Variants in ZNF469 observed in about 807,000 individuals in gnomAD.
ZNF469 encodes the protein zinc finger protein 469.
In ZNF469, 1 loss-of-function variant was observed where a neutral mutation model predicts 1.0. That is an observed-to-expected ratio of 1.00 (90% CI 0.35 to 4.73). The LOEUF (loss-of-function observed/expected upper bound fraction) is 4.73. Among genes scored for constraint, ZNF469 ranks in the 30% most tolerant of loss-of-function variants. The pLI is 0.16. For synonymous variants in ZNF469, 2,703 were observed against 2,363.4 expected (o/e 1.14, Z -4.17); for missense variants, 6,100 against 5,356.3 (o/e 1.14, Z -4.33).
At chr16:88,125,285 C>A in the ZNF469 span, among the ~76,000 whole-genome samples, 4 of 152,162 alleles carry the variant, frequency 2.6e-5, no homozygotes, top group African/African-American at 4.8e-5. Flanking sequence ...GATAGTATGT[C>A]TTCTAAATTT....
chr16:88,181,758 A>C, the ZNF469 span, among the ~76,000 whole-genome samples: 1 of 152,228 alleles, frequency 6.6e-6, no homozygotes, highest in African/African-American at 2.4e-5. Flanking sequence ...TAGAAAAGGA[A>C]GAGCACAATA....
chr16:88,355,051 C>T, the ZNF469 span, among the ~76,000 whole-genome samples: 5 of 148,730 alleles, frequency 3.4e-5, no homozygotes, highest in Admixed American at 6.7e-5. Flanking sequence ...CGTGGGCTCG[C>T]GGCCCTGTCT....
rs1208889208 is a variant in ZNF469 at position 88,433,171 on chromosome 16, C to A, written c.5701C>A (p.Pro1901Thr). The A allele has an allele frequency of 1.9e-6, 3 of 1,550,206 alleles. No homozygotes were observed. The highest frequency in any genetic ancestry group is 3.9e-5 in the Admixed American group (2 of 50,992). Reference protein sequence around the residue: ...RRSQDPALSPPIRQLQLPGPG... With the variant: ...RRSQDPALSPTIRQLQLPGPG... ...GTCCCAGGACCCAGCTTTGAGCCCC[C>A]CCATACGTCAGCTCCAGCTCCCAGG... Residue 1901 changes from proline to threonine, a missense_variant, in exon 3 of 3, where the codon CCC becomes ACC. By Grantham distance (38) the Pro-to-Thr change is conservative. Coordinates refer to ENST00000565624, the MANE Select transcript of ZNF469 (RefSeq NM_001367624.2).
the ZNF469 span, among the ~76,000 whole-genome samples, chr16:88,193,120 G>GTGA: frequency 1.0e-4 from 1 of 9,904 alleles, no homozygotes; most frequent in Non-Finnish European, 2.2e-4. Context: ...GGTGGTGATG[G>GTGA]TGGTGGTGGT....
chr16:88,161,326 G>A, the ZNF469 span, among the ~76,000 whole-genome samples: 51 of 152,126 alleles, frequency 3.4e-4, no homozygotes, highest in African/African-American at 1.1e-3. Context: ...CTCCCTAAAC[G>A]GCGACGATCT....
the ZNF469 span, among the ~76,000 whole-genome samples, chr16:88,301,470 C>T: frequency 6.6e-6 from 1 of 152,200 alleles, no homozygotes; most frequent in African/African-American, 2.4e-5. Context: ...CTTCTCTAAG[C>T]GATGATTATT....
chr16:88,185,266 C>A, the ZNF469 span, among the ~76,000 whole-genome samples: 1 of 152,118 alleles, frequency 6.6e-6, no homozygotes, highest in African/African-American at 2.4e-5. Context: ...CGAACACAGG[C>A]ACGCACTAGT....
the ZNF469 span, among the ~76,000 whole-genome samples, chr16:88,122,091 A>G: frequency 1.4e-5 from 2 of 137,948 alleles, no homozygotes; most frequent in Non-Finnish European, 3.3e-5. Context: ...CGGCCTCGGC[A>G]GCCCCTCGGA....
chr16:88,217,362 G>C, the ZNF469 span, among the ~76,000 whole-genome samples: 1 of 152,174 alleles, frequency 6.6e-6, no homozygotes, highest in Non-Finnish European at 1.5e-5. Flanking sequence ...TATGGAAAGC[G>C]TGATGTGTTC....
At chr16:88,106,321 G>A in the ZNF469 span, among the ~76,000 whole-genome samples, 1 of 152,176 alleles carries the variant, frequency 6.6e-6, no homozygotes, top group African/African-American at 2.4e-5. Context: ...CTCAGCACAG[G>A]GATTCCTGAA....
chr16:88,201,885 T>C, the ZNF469 span, among the ~76,000 whole-genome samples: 1 of 152,194 alleles, frequency 6.6e-6, no homozygotes, highest in Non-Finnish European at 1.5e-5. This position sits in a 1 kb window ranked among gnomAD's most constrained non-coding sequence, Gnocchi z 5.0. Flanking sequence ...TCAACTGTGA[T>C]TCGATAACCC....
chr16:88,372,332 C>CCGT, the ZNF469 span, among the ~76,000 whole-genome samples: 17 of 65,060 alleles, frequency 2.6e-4, 1 homozygote, highest in Non-Finnish European at 3.6e-4. Flanking sequence ...ACCATCACCA[C>CCGT]CATCATCACC....
chr16:88,431,733 T>G lies in ZNF469; in HGVS notation c.4263T>G (p.Asp1421Glu). ...CCTGCCTTTGCCAGGACGGCGAGGATGCCGGTTCCCTCGAGCCACAGCTGC... is the reference window on the plus strand; with the variant it reads ...CCTGCCTTTGCCAGGACGGCGAGGAGGCCGGTTCCCTCGAGCCACAGCTGC... ...SSSCLCQDGE[D>E]AGSLEPQLPR... Residue 1421 changes from aspartate (D) to glutamate (E), a missense_variant, in exon 3 of 3, where the codon GAT becomes GAG. Transcript: ENST00000565624. 1 of 1,550,202 alleles carries G rather than the reference T, an allele frequency of 6.5e-7. No homozygotes were observed.
intron 1 of ZNF469, among the ~76,000 whole-genome samples, 32 bp downstream of exon 1, chr16:88,383,286 G>A (rs1472088660): frequency 6.8e-6 from 1 of 147,174 alleles, no homozygotes; most frequent in Non-Finnish European, 1.5e-5. Context: ...GGGCGCGCGC[G>A]GTGCCTGGGG....
chr16:88,292,893 A>G, the ZNF469 span, among the ~76,000 whole-genome samples: 3 of 151,728 alleles, frequency 2.0e-5, no homozygotes, highest in Non-Finnish European at 2.9e-5. Flanking sequence ...TTTATCGGAC[A>G]CTGGTCCGCT....
At chr16:88,380,329 ACTCACACATGCGCTCACACACATGCG>A (rs369612382), upstream of ZNF469, among the ~76,000 whole-genome samples, 11,523 of 125,622 alleles carry the variant, frequency 0.092, 1,111 homozygotes, top group Middle Eastern at 0.17. Flanking sequence ...TCACACATGC[ACTCACACATGCGCTCACACACATGCG>A]CTCACACACA....
chr16:88,315,966 C>T, the ZNF469 span, among the ~76,000 whole-genome samples: 7 of 152,218 alleles, frequency 4.6e-5, no homozygotes, highest in South Asian at 2.1e-4. Flanking sequence ...CCTGACCCCA[C>T]CCCCGGCGCC....
Position 88,438,818 on chromosome 16 carries a change from G to C in ZNF469, c.11348G>C (p.Arg3783Pro). Residue 3783 changes from arginine (R) to proline (P), a missense_variant, in exon 3 of 3, where the codon CGA becomes CCA. Physicochemically the swap from Arg to Pro is moderately radical, Grantham distance 103 (BLOSUM62 -2). Transcript: ENST00000565624. ...RSPAPERLPARAQAKSCTKGP... is the reference protein window; with the variant it reads ...RSPAPERLPAPAQAKSCTKGP... ...CCTGCACCAGAGAGGCTCCCCGCTC[G>C]AGCCCAAGCCAAGAGCTGCACCAAG... The C allele has an allele frequency of 6.5e-7, 1 of 1,550,322 alleles. No homozygotes were observed. The highest frequency in any genetic ancestry group is 8.7e-7 in the Non-Finnish European group (1 of 1,146,958).
chr16:88,395,221 G>T (rs1904620360), intron 1 of ZNF469, among the ~76,000 whole-genome samples: 1 of 143,948 alleles, frequency 6.9e-6, no homozygotes, highest in Non-Finnish European at 1.5e-5. Context: ...ATGGGTGGAT[G>T]GATGGGTGGA....
Sources: gnomAD v4.1 joint callset for allele counts (sites outside exome capture counted in the v4.1 genomes callset) on GRCh38, gnomAD v4.1.1 for gene constraint, Gnocchi (gnomAD v3.1) non-coding constraint, MANE v1.5 for transcripts, NCBI Gene and HGNC (gene_info 2026-07-23, HGNC 2026-07-21) for gene names.